Variants in NLRP2 observed in about 807,000 individuals in gnomAD.
The protein encoded by NLRP2 is NLR family pyrin domain containing 2.
Under a neutral mutation model 97.2 loss-of-function variants are expected in NLRP2, and 107 were observed. The observed-to-expected ratio is 1.10, with a 90% CI of 0.94 to 1.29. The LOEUF (loss-of-function observed/expected upper bound fraction) is 1.29, where lower values mean the gene tolerates loss of function less well. Among genes scored for constraint, NLRP2 ranks in the 50% most tolerant of loss-of-function variants. The pLI, the probability that NLRP2 is intolerant of heterozygous loss-of-function variation, is 0.00. For synonymous variants in NLRP2, 663 were observed against 551.5 expected (o/e 1.20, Z -2.83); for missense variants, 1,495 against 1,330.3 (o/e 1.12, Z -1.93).
rs909954795 is a variant in NLRP2 at position 54,972,501 on chromosome 19, G to A, written c.281-1999G>A. On this transcript the variant is annotated intron_variant, in intron 2 of 12. Transcript: ENST00000448584. The stretch of plus-strand genomic sequence containing the variant: ...CAGCTACACTTTTTTTTGAAACGGG[G>A]TCTCGTTTTCTTGCTCAGGCTGGAG... Among the ~76,000 whole-genome samples, 11 of 152,050 alleles carry A rather than the reference G, an allele frequency of 7.2e-5. No individual in the cohort carries two copies. The South Asian group carries it at 2.1e-3, about 29-fold the overall frequency.
chr19:54,994,097 G>C (rs1464173688), intron 10 of NLRP2, 172 bp from the exon 11 acceptor site: 2 of 729,824 alleles, frequency 2.7e-6, no homozygotes, highest in African/African-American at 1.7e-5. Flanking sequence ...GTTGGGACTT[G>C]GACATCTTTA....
intron 1 of NLRP2, among the ~76,000 whole-genome samples, chr19:54,967,690 T>G (rs1464384537): frequency 6.6e-6 from 1 of 152,052 alleles, no homozygotes; most frequent in African/African-American, 2.4e-5. Flanking sequence ...GGTTGCTGTG[T>G]GTGGAGTCCT....
rs374172530 is a variant in NLRP2, at chr19:54,982,764, G to A, written c.1066G>A (p.Val356Met). The change falls in exon 6 of 13, where the codon GTG (valine) becomes ATG (methionine). Residue 356 changes from valine (V) to methionine (M), a missense_variant. By Grantham distance (21) the Val-to-Met change is conservative (BLOSUM62 1). Transcript: ENST00000448584. ...GGCGGAGGAGCCGATCTACATAAGG[G>A]TGGAGGGCTTCCTGGAGGAGGACAG... ...ILAEEPIYIR[V>M]EGFLEEDRRA... is the part of the protein sequence containing the mutation. 3.7e-6 allele frequency: 6 copies of A among 1,614,058 alleles called. No homozygotes were observed. The African/African-American group carries it at 4.0e-5, about 11-fold the overall frequency.
rs2146500638 is a variant in NLRP2 at position 54,990,101 on chromosome 19, G to A, written c.2446G>A (p.Val816Ile). ...ALEVNQSLTC[V>I]NLSDNELLDE... ...TGAAGTCAACCAGTCCCTGACGTGC[G>A]TAAACCTCTCCGACAATGAGCTTCT... The change falls in exon 9 of 13, where the codon GTA becomes ATA. Residue 816 changes from valine (V) to isoleucine (I), a missense_variant. Physicochemically the swap from Val to Ile is conservative, Grantham distance 29 (BLOSUM62 3). Transcript: ENST00000448584. The A allele has an allele frequency of 2.5e-6, 4 of 1,614,138 alleles. No individual in the cohort carries two copies. Among genetic ancestry groups the A allele is most frequent in the African/African-American group, 1.3e-5 (1 of 75,046 alleles).
rs753039885 is a variant in NLRP2, at chr19:54,994,422, C to G, written c.2862C>G (p.Cys954Trp). 6.2e-7 allele frequency: 1 copy of G among 1,612,944 alleles called. No homozygotes were observed. ...GTGAGGCTTTGAGGAAACCACTGTGCAACTTGAGATGTCTGTGGTGAGTTA... is the reference window on the plus strand; with the variant it reads ...GTGAGGCTTTGAGGAAACCACTGTGGAACTTGAGATGTCTGTGGTGAGTTA... ...FLCEALRKPL[C>W]NLRCLWLWGC... is the part of the protein sequence containing the mutation. Residue 954 changes from cysteine to tryptophan, a missense_variant, in exon 11 of 13, where the codon TGC becomes TGG. Physicochemically the swap from Cys to Trp is radical, Grantham distance 215. Coordinates refer to ENST00000448584, the MANE Select transcript of NLRP2 (RefSeq NM_017852.5).
At chr19:54,983,809 T>C in intron 6 of NLRP2, 81 bp downstream of exon 6, 1 of 1,558,176 alleles carries the variant, frequency 6.4e-7, no homozygotes, top group South Asian at 1.1e-5. Context: ...GAGCCTCCTA[T>C]GCACTGTGGC....
At chr19:54,988,157 G>T (rs948385104) in intron 8 of NLRP2, among the ~76,000 whole-genome samples, 1 of 152,180 alleles carries the variant, frequency 6.6e-6, no homozygotes, top group Admixed American at 6.5e-5. Flanking sequence ...AAGGTTGAAT[G>T]AAACCAAGCC....
chr19:54,970,215 G>A lies in NLRP2; in HGVS notation c.200G>A (p.Trp67Ter), dbSNP rs774992658. 3 of 1,614,180 alleles carry A rather than the reference G, an allele frequency of 1.9e-6. No individual in the cohort carries two copies. In the South Asian group the frequency reaches 3.3e-5, roughly 18 times the overall value. Residue 67 changes from tryptophan to a stop codon, truncating the protein, a stop_gained, in exon 2 of 13, where the codon TGG becomes TAG. Transcript: ENST00000448584. LOFTEE classifies it high-confidence loss of function. Reference sequence around the variant, plus strand: ...CTCACCACCCATTGTGACAGCTACTGGGTGGAGATGGCGAGCCTCCAGGTC... The same window carrying A: ...CTCACCACCCATTGTGACAGCTACTAGGTGGAGATGGCGAGCCTCCAGGTC... The part of the protein sequence containing the change: ...EILTTHCDSY[W>*]VEMASLQVFE...
intron 12 of NLRP2, among the ~76,000 whole-genome samples, chr19:55,000,422 G>A (rs1239425917): frequency 6.7e-5 from 10 of 149,994 alleles, no homozygotes; most frequent in Non-Finnish European, 1.5e-4. Flanking sequence ...GACTACAGGC[G>A]TCCGCCACCA....
intron 2 of NLRP2, chr19:54,973,782 A>G (rs745611827): frequency 5.3e-6 from 3 of 564,488 alleles, no homozygotes; most frequent in Admixed American, 1.9e-5. Flanking sequence ...AAAAGATACA[A>G]ATTTTCTTTC....
In NLRP2 at chr19:54,976,843, G is replaced by A. The variant is rs529866511; in HGVS notation, c.326-909G>A. 3.9e-5 allele frequency: 10 copies of A among 258,338 alleles called. 1 individual carries two copies. The highest frequency in any genetic ancestry group is 5.6e-4 in the Middle Eastern group (1 of 1,788). 16.0% of individuals were successfully genotyped at this position (258,338 alleles called of 1,614,324 possible). A position where few individuals can be genotyped will look rare whatever the true frequency, so the allele number is the denominator to read the frequency against. Reference sequence around the variant, plus strand: ...TTTTTTTTTTTTGATACGGAGTCTCGCTTGCTCTTTTGCCAGGCTGAAGTG... The same window carrying A: ...TTTTTTTTTTTTGATACGGAGTCTCACTTGCTCTTTTGCCAGGCTGAAGTG... On this transcript the variant is annotated intron_variant, in intron 3 of 12. Transcript: ENST00000448584.
intron 2 of NLRP2, 81 bp downstream of exon 2, chr19:54,970,376 C>CGTGAGCCA: frequency 2.6e-6 from 4 of 1,530,808 alleles, no homozygotes; most frequent in Non-Finnish European, 3.6e-6. Flanking sequence ...GAAGGCCAGG[C>CGTGAGCCA]GCGCTGGCTC....
chr19:54,989,855 A>G (rs2072339365), intron 8 of NLRP2, 167 bp from the exon 9 acceptor site: 1 of 682,816 alleles, frequency 1.5e-6, no homozygotes, highest in Non-Finnish European at 2.6e-6. Flanking sequence ...ATGTTGGTGC[A>G]TGGTGCATGC....
chr19:54,994,858 C>T lies in NLRP2; in HGVS notation c.2879+419C>T, dbSNP rs2072718103. ...TCCTGACCTCAGGTGATCCGCCCAT[C>T]TCGGCCTCCCAAAGTGCTGGGATTA... On this transcript the variant is annotated intron_variant, in intron 11 of 12. Coordinates refer to ENST00000448584, the MANE Select transcript of NLRP2 (RefSeq NM_017852.5). Among the ~76,000 whole-genome samples, 4 of 151,702 alleles carry T rather than the reference C, an allele frequency of 2.6e-5. No individual in the cohort carries two copies. The South Asian group carries it at 8.3e-4, about 32-fold the overall frequency.
intron 10 of NLRP2, 177 bp from the exon 11 acceptor site, chr19:54,994,092 G>A (rs2072659304): frequency 2.8e-6 from 2 of 714,100 alleles, no homozygotes; most frequent in East Asian, 5.4e-5. Flanking sequence ...CAGGAGTTGG[G>A]ACTTGGACAT....
chr19:54,991,793 C>T (rs552384124), intron 10 of NLRP2, among the ~76,000 whole-genome samples: 5 of 143,174 alleles, frequency 3.5e-5, no homozygotes, highest in South Asian at 2.3e-4. Flanking sequence ...CGCTTGAAGT[C>T]GGGAGGTTGC....
In NLRP2 at chr19:54,970,135, G is replaced by A. The variant is rs1412888567; in HGVS notation, c.120G>A (p.Gln40=). ...CCTTCTCCCTGGCACACGAGCTCCA[G>A]AAGATCCCCCACAAGGAGGTAGACA... is the stretch of plus-strand genomic sequence containing the variant. ...ITTFSLAHEL[Q]KIPHKEVDKA... Residue 40 remains glutamine, a synonymous_variant, in exon 2 of 13, where the codon CAG becomes CAA. Transcript: ENST00000448584. The A allele has an allele frequency of 1.2e-6, 2 of 1,614,108 alleles. No individual in the cohort carries two copies. The highest frequency in any genetic ancestry group is 1.7e-6 in the Non-Finnish European group (2 of 1,180,030).
Position 54,983,430 on chromosome 19 carries a change from T to C in NLRP2, c.1732T>C (p.Ser578Pro). The change falls in exon 6 of 13, where the codon TCA (serine) becomes CCA (proline). Residue 578 changes from serine to proline, a missense_variant. By Grantham distance (74) the Ser-to-Pro change is moderately conservative (BLOSUM62 -1). Transcript: ENST00000448584. Reference protein sequence around the residue: ...ELEATFGCRMSPDIKQELLRC... With the variant: ...ELEATFGCRMPPDIKQELLRC... Reference sequence around the variant, plus strand: ...GGAGGCCACTTTTGGCTGCCGGATGTCACCGGACATCAAACAGGAATTGCT... The same window carrying C: ...GGAGGCCACTTTTGGCTGCCGGATGCCACCGGACATCAAACAGGAATTGCT... 6.2e-7 allele frequency: 1 copy of C among 1,614,174 alleles called. No individual in the cohort carries two copies. The highest frequency in any genetic ancestry group is 8.5e-7 in the Non-Finnish European group (1 of 1,180,048).
chr19:54,974,441 G>C (rs370027644), intron 2 of NLRP2, 59 bp from the exon 3 acceptor site: 1 of 1,186,134 alleles, frequency 8.4e-7, no homozygotes, highest in African/African-American at 1.5e-5. Context: ...TTTTATGAAG[G>C]CAATAAAATC....
Sources: allele counts gnomAD v4.1 joint callset (sites outside exome capture counted in the v4.1 genomes callset), GRCh38; gene constraint gnomAD v4.1.1; transcripts MANE v1.5; gene names NCBI Gene and HGNC (gene_info 2026-07-23, HGNC 2026-07-21).